The following SAMMSON variants were observed in gnomAD, a reference collection of about 807,000 sequenced individuals.
SAMMSON encodes the protein long intergenic non-protein coding RNA 1212.
At chr3:70,268,255 G>A (rs1009620413) in intron 6 of SAMMSON, among the ~76,000 whole-genome samples, 1 of 152,090 alleles carries the variant, frequency 6.6e-6, no homozygotes, top group Admixed American at 6.5e-5. Context: ...CAGATTGCCT[G>A]AGCGCAGAAG....
At chr3:70,024,436 A>G (rs1270093511) in intron 3 of SAMMSON, among the ~76,000 whole-genome samples, 1 of 152,208 alleles carries the variant, frequency 6.6e-6, no homozygotes, top group East Asian at 1.9e-4. Context: ...TAATAAAATT[A>G]GCTGATATTT....
At chr3:70,355,500 C>T (rs1327409882) in intron 8 of SAMMSON, among the ~76,000 whole-genome samples, 1 of 151,880 alleles carries the variant, frequency 6.6e-6, no homozygotes, top group African/African-American at 2.4e-5. Context: ...AAAGAGAGCT[C>T]TGGAGAATCT....
intron 4 of SAMMSON, among the ~76,000 whole-genome samples, chr3:70,176,431 A>T (rs1701009408): frequency 2.0e-5 from 3 of 152,192 alleles, no homozygotes. Flanking sequence ...TTGAGAGTTT[A>T]GCTTCATCAA....
intron 4 of SAMMSON, among the ~76,000 whole-genome samples, chr3:70,207,744 T>C (rs1701305952): frequency 6.6e-6 from 1 of 151,960 alleles, no homozygotes; most frequent in African/African-American, 2.4e-5. Flanking sequence ...AATCTAAAGG[T>C]CAAGTAAAGT....
At chr3:70,116,425 C>G (rs2067411578) in intron 4 of SAMMSON, among the ~76,000 whole-genome samples, 1 of 149,688 alleles carries the variant, frequency 6.7e-6, no homozygotes. Context: ...AGTAAATGAT[C>G]TATTTATTTA....
At chr3:70,192,998 T>C (rs903571945) in intron 4 of SAMMSON, among the ~76,000 whole-genome samples, 1 of 152,148 alleles carries the variant, frequency 6.6e-6, no homozygotes, top group Non-Finnish European at 1.5e-5. Flanking sequence ...ATCCACAAGA[T>C]TCTAGTAGCA....
intron 1 of SAMMSON, among the ~76,000 whole-genome samples, chr3:70,006,236 A>G (rs1202389823): frequency 6.6e-6 from 1 of 152,212 alleles, no homozygotes; most frequent in Non-Finnish European, 1.5e-5. Flanking sequence ...CAGTTTGCGT[A>G]ATAAAAACCT....
At chr3:70,011,456 G>C (rs947266275) in intron 1 of SAMMSON, among the ~76,000 whole-genome samples, 1 of 151,958 alleles carries the variant, frequency 6.6e-6, no homozygotes, top group Non-Finnish European at 1.5e-5. Context: ...AGGAGAGTTT[G>C]TTTTTTCTAT....
At chr3:70,064,230 GA>G (rs1339048622) in intron 3 of SAMMSON, among the ~76,000 whole-genome samples, 1 of 152,110 alleles carries the variant, frequency 6.6e-6, no homozygotes, top group African/African-American at 2.4e-5. Context: ...TAATCAGAAG[GA>G]AAATGCCCTG....
intron 7 of SAMMSON, among the ~76,000 whole-genome samples, chr3:70,294,767 T>C (rs1702274129): frequency 6.6e-6 from 1 of 152,160 alleles, no homozygotes; most frequent in Admixed American, 6.5e-5. Context: ...TTCCATGTCA[T>C]TTTAGGTTAG....
At chr3:70,008,207 A>G (rs2046289348) in intron 1 of SAMMSON, among the ~76,000 whole-genome samples, 1 of 152,026 alleles carries the variant, frequency 6.6e-6, no homozygotes, top group Non-Finnish European at 1.5e-5. Context: ...CTTGATGGGG[A>G]TGGCATTGAA....
chr3:70,425,261 C>T (rs1701352502), intron 2 of SAMMSON: 1 of 152,104 alleles, frequency 6.6e-6, no homozygotes, highest in South Asian at 2.1e-4. Context: ...CTCAAATCTA[C>T]TTTTTAGCAT....
chr3:70,297,119 G>C (rs1702297081), intron 7 of SAMMSON, among the ~76,000 whole-genome samples: 3 of 152,012 alleles, frequency 2.0e-5, no homozygotes, highest in Admixed American at 2.0e-4. Context: ...ATTTCTCTCT[G>C]AACCTTGCTT....
At chr3:70,319,666 C>T (rs1282362613) in intron 7 of SAMMSON, among the ~76,000 whole-genome samples, 1 of 151,778 alleles carries the variant, frequency 6.6e-6, no homozygotes, top group Admixed American at 6.6e-5. Context: ...TGATAAGTAC[C>T]AAAGACTTGA....
intron 6 of SAMMSON, among the ~76,000 whole-genome samples, chr3:70,283,337 G>T (rs749302167): frequency 6.6e-6 from 1 of 152,064 alleles, no homozygotes; most frequent in Non-Finnish European, 1.5e-5. Context: ...ATGCTCAATA[G>T]TGGCTGAATG....
intron 2 of SAMMSON, among the ~76,000 whole-genome samples, chr3:70,396,012 C>T (rs920577896): frequency 6.6e-6 from 1 of 152,122 alleles, no homozygotes; most frequent in Admixed American, 6.6e-5. Flanking sequence ...CCCCAGCTTA[C>T]AAGGCATCTA....
At position 70,288,576 on chromosome 3, in the gene SAMMSON, C is replaced by T. The variant is rs1306424418; in HGVS notation, n.675-2603C>T. Among the ~76,000 whole-genome samples, 722 of 147,396 alleles carry T rather than the reference C, an allele frequency of 4.9e-3. 3 individuals carry two copies. Among genetic ancestry groups the T allele is most frequent in the Non-Finnish European group, 7.9e-3 (532 of 66,940 alleles). ...GAGTTCTGTAGATGTCTATTAGGTC[C>T]ACTTGCTGCAGAGCTGAGTTCAATT... is the stretch of plus-strand genomic sequence containing the variant. On this transcript the variant is annotated intron_variant and non_coding_transcript_variant, in intron 6 of 9. Transcript: ENST00000642114.
At chr3:70,190,302 G>T (rs1701121383) in intron 4 of SAMMSON, among the ~76,000 whole-genome samples, 1 of 152,028 alleles carries the variant, frequency 6.6e-6, no homozygotes. Context: ...TATTGCAATT[G>T]CACCTTTCTC....
At chr3:70,076,000 A>G (rs996391520) in intron 4 of SAMMSON, among the ~76,000 whole-genome samples, 3 of 152,060 alleles carry the variant, frequency 2.0e-5, no homozygotes, top group African/African-American at 7.2e-5. Context: ...GAACTTATGA[A>G]TACTTAAGAG....
Sources: allele counts gnomAD v4.1 joint callset (sites outside exome capture counted in the v4.1 genomes callset), GRCh38; gene constraint gnomAD v4.1.1; transcripts MANE v1.5; gene names NCBI Gene and HGNC (gene_info 2026-07-23, HGNC 2026-07-21).